Variants in IL22RA1 observed in about 807,000 individuals in gnomAD.
IL22RA1 encodes the protein interleukin 22 receptor subunit alpha 1, also known as interleukin-22 receptor subunit alpha-1.
In IL22RA1, 25 loss-of-function variants were observed where a neutral mutation model predicts 32.8. The ratio of observed to expected loss-of-function variants is 0.76; its 90% CI spans 0.55 to 1.06. The LOEUF is 1.06. Ranked by LOEUF, IL22RA1 falls within the 50% of genes least tolerant of loss-of-function variation. The probability of loss-of-function intolerance (pLI) is 0.00; values close to 1 mark genes in which losing one functional copy is unlikely to be tolerated. For synonymous variants in IL22RA1, 305 were observed against 305.0 expected (o/e 1.00, Z 0.00); for missense variants, 709 against 727.4 (o/e 0.97, Z 0.29).
chr1:24,131,463 G>A (rs1644204228), intron 4 of IL22RA1, among the ~76,000 whole-genome samples: 1 of 152,140 alleles, frequency 6.6e-6, no homozygotes, highest in Admixed American at 6.5e-5. Context: ...AGGCTGGAGT[G>A]TCTATATTAA....
chr1:24,125,855 A>G (rs1644157647), intron 5 of IL22RA1, among the ~76,000 whole-genome samples: 1 of 152,264 alleles, frequency 6.6e-6, no homozygotes, highest in Admixed American at 6.5e-5. Context: ...AGTAGAACCT[A>G]ATAAATGTAG....
intron 3 of IL22RA1, 151 bp from the exon 4 acceptor site, chr1:24,134,537 T>C (rs1314945711): frequency 1.8e-6 from 1 of 571,278 alleles, no homozygotes; most frequent in Non-Finnish European, 2.7e-6. Context: ...AAACAAACAG[T>C]GAAAAGAGAA....
intron 5 of IL22RA1, among the ~76,000 whole-genome samples, chr1:24,126,579 A>G (rs560312130): frequency 9.2e-5 from 14 of 152,272 alleles, no homozygotes; most frequent in South Asian, 4.2e-4. Context: ...TCTTTCCACT[A>G]TGCCACACAC....
chr1:24,138,860 A>G (rs1382160424), intron 1 of IL22RA1, 146 bp from the exon 2 acceptor site: 5 of 921,028 alleles, frequency 5.4e-6, no homozygotes, highest in Non-Finnish European at 6.5e-6. Flanking sequence ...GGGCAGGGAG[A>G]CCCTGGCCCC....
Position 24,134,863 on chromosome 1 carries a change from T to A in IL22RA1, c.356-477A>T, listed in dbSNP as rs1036359485. The A allele has an allele frequency of 2.1e-5, 21 of 983,976 alleles. No homozygotes were observed. The African/African-American group carries it at 3.5e-4, about 16-fold the overall frequency. The allele number at this position is 983,976 out of a possible 1,614,324, so 61.0% of individuals were successfully genotyped here. On this transcript the variant is annotated intron_variant, in intron 3 of 6. Transcript: ENST00000270800. Reference sequence around the variant, plus strand: ...CTTCTGTCTCTCTCAAGATGGAATTTTCCAAATAACCAAATTACCTTTGCT... The same window carrying A: ...CTTCTGTCTCTCTCAAGATGGAATTATCCAAATAACCAAATTACCTTTGCT...
At chr1:24,139,020 G>A (rs1017114656) in intron 1 of IL22RA1, among the ~76,000 whole-genome samples, 14 of 152,166 alleles carry the variant, frequency 9.2e-5, no homozygotes, top group Admixed American at 7.2e-4. Flanking sequence ...TGGTTTCTTA[G>A]CATTTTCACA....
At chr1:24,132,316 A>T (rs745355307) in intron 4 of IL22RA1, among the ~76,000 whole-genome samples, 1 of 149,500 alleles carries the variant, frequency 6.7e-6, no homozygotes, top group African/African-American at 2.5e-5. Context: ...GTTTGGGACC[A>T]TGGTTTTTGT....
chr1:24,134,817 C>A (rs1644231719), intron 3 of IL22RA1: 4 of 981,974 alleles, frequency 4.1e-6, no homozygotes, highest in Non-Finnish European at 4.8e-6. Flanking sequence ...ATTGATGCAG[C>A]CTCAAAGATC....
At chr1:24,121,837 T>C in intron 6 of IL22RA1, 100 bp from the exon 7 acceptor site, 1 of 937,966 alleles carries the variant, frequency 1.1e-6, no homozygotes, top group Non-Finnish European at 1.5e-6. Flanking sequence ...GGGAGGCATC[T>C]GGGGGCTTTT....
Position 24,120,136 on chromosome 1 carries a change from C to G in IL22RA1, c.*669G>C, listed in dbSNP as rs1644109309. On this transcript the variant is annotated 3_prime_UTR_variant, in exon 7 of 7. Transcript: ENST00000270800. ...GCAGAAAAGGCTTGTGTGTCTCCCT[C>G]CCTGGTGGACCTGCATTTCGCTTTG... 1 of 152,276 alleles carries G rather than the reference C, an allele frequency of 6.6e-6. No homozygotes were observed. The highest frequency in any genetic ancestry group is 6.5e-5 in the Admixed American group (1 of 15,294). 9.4% of individuals were successfully genotyped at this position (152,276 alleles called of 1,614,324 possible). A position where few individuals can be genotyped will look rare whatever the true frequency, so the allele number is the denominator to read the frequency against.
chr1:24,123,470 G>A, intron 5 of IL22RA1, 47 bp from the exon 6 acceptor site: 3 of 1,594,500 alleles, frequency 1.9e-6, no homozygotes, highest in Non-Finnish European at 2.6e-6. Flanking sequence ...GCTGGGCTCT[G>A]CCTGGGCCCG....
chr1:24,128,183 T>G lies in IL22RA1; in HGVS notation c.628A>C (p.Lys210Gln), dbSNP rs751316829. The change falls in exon 5 of 7, where the codon AAG becomes CAG. Residue 210 changes from lysine (K) to glutamine (Q), a missense_variant. By Grantham distance (53) the Lys-to-Gln change is moderately conservative (BLOSUM62 1). Coordinates refer to ENST00000270800, the MANE Select transcript of IL22RA1 (RefSeq NM_021258.4). ...CGGCACATGTAGGGGGCACTCTCCT[T>G]GGCCCAGGTGGGAACGCAAATCATG... The part of the protein sequence containing the change: ...TIMICVPTWA[K>Q]ESAPYMCRVK... 15 of 1,592,244 alleles carry G rather than the reference T, an allele frequency of 9.4e-6. No homozygotes were observed. Among genetic ancestry groups the G allele is most frequent in the Non-Finnish European group, 1.7e-6 (2 of 1,169,104 alleles).
In IL22RA1 at chr1:24,133,228, C is replaced by T. The variant is rs565992842; in HGVS notation, c.531+983G>A. ...TTCTGGAAGCCAGTACCAATTTCTG[C>T]GGCATGCCAGGTAATATATGCATAT... On this transcript the variant is annotated intron_variant, in intron 4 of 6. Transcript: ENST00000270800. Among the ~76,000 whole-genome samples, 272 of 151,578 alleles carry T rather than the reference C, an allele frequency of 1.8e-3. 3 individuals carry two copies. The highest frequency in any genetic ancestry group is 5.7e-3 in the African/African-American group (234 of 41,300).
intron 4 of IL22RA1, among the ~76,000 whole-genome samples, chr1:24,129,844 G>C (rs897519125): frequency 1.2e-4 from 18 of 152,054 alleles, no homozygotes; most frequent in African/African-American, 4.3e-4. Context: ...GTTGGAACTG[G>C]ACACATTACA....
At chr1:24,131,311 A>G (rs1463720585) in intron 4 of IL22RA1, among the ~76,000 whole-genome samples, 2 of 152,234 alleles carry the variant, frequency 1.3e-5, no homozygotes, top group East Asian at 3.8e-4. Flanking sequence ...TATGCTTTAA[A>G]AGAATGAATT....
chr1:24,138,491 G>T, intron 2 of IL22RA1, 91 bp downstream of exon 2: 2 of 1,418,422 alleles, frequency 1.4e-6, no homozygotes, highest in Non-Finnish European at 2.0e-6. Context: ...TCCTGGTGGG[G>T]ACATGGGAAC....
At chr1:24,142,946 C>T in intron 1 of IL22RA1, 94 bp downstream of exon 1, 2 of 1,215,280 alleles carry the variant, frequency 1.6e-6, no homozygotes, top group Non-Finnish European at 2.4e-6. Flanking sequence ...CTGAAACTGG[C>T]TATGCTCGGG....
At chr1:24,138,517 G>A (rs1644258355) in intron 2 of IL22RA1, 65 bp downstream of exon 2, 1 of 1,581,816 alleles carries the variant, frequency 6.3e-7, no homozygotes, top group Non-Finnish European at 8.7e-7. Flanking sequence ...GAGAGGAGGG[G>A]AATTCCTTGG....
chr1:24,131,234 A>T (rs895836450), intron 4 of IL22RA1, among the ~76,000 whole-genome samples: 6 of 152,194 alleles, frequency 3.9e-5, no homozygotes, highest in African/African-American at 1.4e-4. Flanking sequence ...AGAAAGATTG[A>T]TAAGGGAGAA....
Sources: allele counts gnomAD v4.1 joint callset (sites outside exome capture counted in the v4.1 genomes callset), GRCh38; gene constraint gnomAD v4.1.1; transcripts MANE v1.5; gene names NCBI Gene and HGNC (gene_info 2026-07-23, HGNC 2026-07-21).